Variants in CEP85L observed in about 807,000 individuals in gnomAD.
The protein encoded by CEP85L is centrosomal protein of 85 kDa-like.
In CEP85L, 60 loss-of-function variants were observed where a neutral mutation model predicts 100.3. That is an observed-to-expected ratio of 0.60 (90% CI 0.49 to 0.74). The LOEUF is 0.74. CEP85L is among the 30% of genes least tolerant of loss of function. The pLI is 0.00. For synonymous variants in CEP85L, 319 were observed against 322.7 expected, an observed-to-expected ratio of 0.99 and a Z score of 0.12; for missense variants, 973 against 936.2, an observed-to-expected ratio of 1.04 and a Z score of -0.51.
chr6:118,538,025 A>C (rs1777695268), intron 3 of CEP85L: 1 of 620,864 alleles, frequency 1.6e-6, no homozygotes. Context: ...AAGAATCTTT[A>C]TTCACCAAGA....
At chr6:118,522,031 T>C (rs756565186) in intron 4 of CEP85L, among the ~76,000 whole-genome samples, 2 of 152,084 alleles carry the variant, frequency 1.3e-5, no homozygotes, top group African/African-American at 4.8e-5. Flanking sequence ...GGCAAATCCA[T>C]GTAAGTAAAA....
intron 1 of CEP85L, among the ~76,000 whole-genome samples, chr6:118,680,592 C>T (rs981723036): frequency 6.6e-6 from 1 of 152,068 alleles, no homozygotes; most frequent in Admixed American, 6.6e-5. Context: ...TAAAGACATT[C>T]TGGGCAGGGC....
intron 10 of CEP85L, among the ~76,000 whole-genome samples, chr6:118,472,970 G>A (rs1403477046): frequency 2.6e-5 from 4 of 152,302 alleles, no homozygotes; most frequent in Middle Eastern, 3.4e-3. Flanking sequence ...TAGCTTGAAT[G>A]AGGGAAAACC....
intron 5 of CEP85L, among the ~76,000 whole-genome samples, chr6:118,500,184 G>C (rs139093025): frequency 1.7e-4 from 26 of 151,724 alleles, no homozygotes; most frequent in Middle Eastern, 6.8e-3. Context: ...ACACACACCT[G>C]TACTCCCAGC....
intron 6 of CEP85L, chr6:118,491,440 G>A: frequency 8.3e-7 from 1 of 1,203,792 alleles, no homozygotes; most frequent in South Asian, 2.8e-5. Flanking sequence ...ATTTGGTGTA[G>A]GCAATTAATT....
chr6:118,567,918 A>G (rs529525689), intron 2 of CEP85L, among the ~76,000 whole-genome samples: 1 of 152,388 alleles, frequency 6.6e-6, no homozygotes, highest in East Asian at 1.9e-4. Context: ...AAGACTGCCT[A>G]TCAGCTTCTG....
chr6:118,640,125 A>G lies in CEP85L; in HGVS notation c.74-7514T>C, dbSNP rs547992444. ...ACAAAAAATTAGAACATTAAACGGT[A>G]AGAAAAAAACGTTCATATTAACAGT... On this transcript the variant is annotated intron_variant, in intron 1 of 12. Coordinates refer to ENST00000368491, the MANE Select transcript of CEP85L (RefSeq NM_001042475.3). 1.6e-4 allele frequency among the ~76,000 whole-genome samples: 24 copies of G among 152,342 alleles called. No homozygotes were observed. The South Asian group carries it at 5.0e-3, about 32-fold the overall frequency.
intron 1 of CEP85L, among the ~76,000 whole-genome samples, chr6:118,661,653 C>G (rs1292920895): frequency 6.6e-6 from 1 of 151,934 alleles, no homozygotes; most frequent in African/African-American, 2.4e-5. Context: ...AATACCAACC[C>G]TATAAAATCC....
chr6:118,579,910 T>C (rs1331364466), intron 2 of CEP85L, among the ~76,000 whole-genome samples: 2 of 152,194 alleles, frequency 1.3e-5, no homozygotes, highest in Non-Finnish European at 2.9e-5. Flanking sequence ...ATTCCCACCT[T>C]CTTCTTGTCA....
intron 2 of CEP85L, among the ~76,000 whole-genome samples, chr6:118,596,122 TATAA>T (rs1781446628): frequency 6.6e-6 from 1 of 152,150 alleles, no homozygotes; most frequent in Non-Finnish European, 1.5e-5. Flanking sequence ...TGTTTAATTT[TATAA>T]ATGAGAAAAA....
intron 1 of CEP85L, among the ~76,000 whole-genome samples, chr6:118,693,117 CAAT>C (rs1777101253): frequency 6.6e-6 from 1 of 152,158 alleles, no homozygotes; most frequent in Admixed American, 6.5e-5. Flanking sequence ...AGTTTATAAA[CAAT>C]AATAGTCCAA....
chr6:118,572,918 C>T (rs192688027), intron 2 of CEP85L, among the ~76,000 whole-genome samples: 2 of 151,806 alleles, frequency 1.3e-5, no homozygotes, highest in South Asian at 2.1e-4. Context: ...AAAAATTAGC[C>T]GGGCGCAGTG....
chr6:118,478,692 A>G (rs972623994), intron 10 of CEP85L, among the ~76,000 whole-genome samples: 14 of 152,284 alleles, frequency 9.2e-5, no homozygotes, highest in Admixed American at 7.2e-4. Flanking sequence ...GTTTGCTGAA[A>G]CAATTTAGTA....
chr6:118,555,768 T>TA (rs1412041255), intron 3 of CEP85L, among the ~76,000 whole-genome samples: 1 of 152,078 alleles, frequency 6.6e-6, no homozygotes, highest in Non-Finnish European at 1.5e-5. Context: ...TTAAGCCCAG[T>TA]ACCCAACAGT....
chr6:118,702,995 C>CAAAA (rs34426942), intron 1 of CEP85L, among the ~76,000 whole-genome samples: 33 of 93,676 alleles, frequency 3.5e-4, no homozygotes, highest in Middle Eastern at 5.4e-3. Flanking sequence ...GACTCTGTCT[C>CAAAA]AAAAAAAAAA....
At chr6:118,480,761 A>T (rs1773719735) in intron 8 of CEP85L, among the ~76,000 whole-genome samples, 1 of 152,110 alleles carries the variant, frequency 6.6e-6, no homozygotes, top group East Asian at 1.9e-4. Context: ...AGAGTTGCTC[A>T]GTATGTGACA....
intron 3 of CEP85L, chr6:118,565,037 A>G (rs1392750778): frequency 6.4e-6 from 1 of 155,540 alleles, no homozygotes; most frequent in Non-Finnish European, 1.4e-5. Context: ...CCTAAATAAC[A>G]TCATGTATCA....
In CEP85L at chr6:118,524,446, C is replaced by T. The variant is rs539333636; in HGVS notation, c.1021-526G>A. On this transcript the variant is annotated intron_variant, in intron 3 of 12. Coordinates refer to ENST00000368491, the MANE Select transcript of CEP85L (RefSeq NM_001042475.3). ...GTGACAGAGCAAGACTCTGTCTAAACAAACAAACAAACAAACAAAACCATA... is the reference window on the plus strand; with the variant it reads ...GTGACAGAGCAAGACTCTGTCTAAATAAACAAACAAACAAACAAAACCATA... 1.9e-3 allele frequency among the ~76,000 whole-genome samples: 234 copies of T among 122,914 alleles called. 3 individuals are homozygous for T. The highest frequency in any genetic ancestry group is 5.7e-4 in the Non-Finnish European group (29 of 51,068). The allele number at this position is 122,914 out of a possible 152,430, so 80.6% of individuals were successfully genotyped here.
intron 6 of CEP85L, among the ~76,000 whole-genome samples, chr6:118,489,950 C>T (rs1774438070): frequency 6.6e-6 from 1 of 151,598 alleles, no homozygotes; most frequent in Non-Finnish European, 1.5e-5. Context: ...CATATATACA[C>T]ATGCACACAC....
Sources: allele counts gnomAD v4.1 joint callset (sites outside exome capture counted in the v4.1 genomes callset), GRCh38; gene constraint gnomAD v4.1.1; transcripts MANE v1.5; gene names NCBI Gene and HGNC (gene_info 2026-07-23, HGNC 2026-07-21).